Variants in PDE1A observed in about 807,000 individuals in gnomAD.
The protein encoded by PDE1A is phosphodiesterase 1A, also known as dual specificity calcium/calmodulin-dependent 3',5'-cyclic nucleotide phosphodiesterase 1A.
PDE1A carries 35 observed loss-of-function variants against 61.7 expected under a neutral mutation model. The ratio of observed to expected loss-of-function variants is 0.57; its 90% CI spans 0.43 to 0.75. The LOEUF (loss-of-function observed/expected upper bound fraction) is 0.75. Among genes scored for constraint, PDE1A ranks in the 30% least tolerant of loss-of-function variants. The probability of loss-of-function intolerance (pLI) is 0.00; values close to 1 mark genes in which losing one functional copy is unlikely to be tolerated. For synonymous variants in PDE1A, 232 were observed against 213.2 expected (o/e 1.09, Z -0.77); for missense variants, 597 against 630.6 (o/e 0.95, Z 0.57).
At chr2:182,567,739 C>A in the PDE1A span, among the ~76,000 whole-genome samples, 134 of 150,764 alleles carry the variant, frequency 8.9e-4, 1 homozygote, top group Admixed American at 6.4e-3. Flanking sequence ...TTTTTAATAT[C>A]TTTTATATAA....
chr2:182,654,714 C>A, the PDE1A span, among the ~76,000 whole-genome samples: 3 of 152,254 alleles, frequency 2.0e-5, no homozygotes, highest in South Asian at 2.1e-4. Flanking sequence ...CTAGCCTTCC[C>A]TTCAATGAAT....
the PDE1A span, among the ~76,000 whole-genome samples, chr2:182,550,332 C>T: frequency 4.6e-4 from 70 of 152,250 alleles, no homozygotes; most frequent in African/African-American, 1.6e-3. Context: ...CAGGGCACTT[C>T]GCTAGCCTTT....
intron 1 of PDE1A, among the ~76,000 whole-genome samples, chr2:182,310,776 G>A (rs750335888): frequency 1.3e-5 from 2 of 152,116 alleles, no homozygotes; most frequent in Non-Finnish European, 2.9e-5. Context: ...ACATTGTTAT[G>A]TGCTCATCAA....
chr2:182,661,619 G>A, the PDE1A span, among the ~76,000 whole-genome samples: 3 of 151,720 alleles, frequency 2.0e-5, no homozygotes, highest in Admixed American at 6.6e-5. Context: ...TGGAAACGAG[G>A]GAAATAAAAA....
intron 1 of PDE1A, among the ~76,000 whole-genome samples, chr2:182,344,555 C>A (rs902938193): frequency 6.6e-6 from 1 of 152,084 alleles, no homozygotes; most frequent in Non-Finnish European, 1.5e-5. Flanking sequence ...CTCTGCTTTA[C>A]CATTATGTCA....
intron 2 of PDE1A, among the ~76,000 whole-genome samples, chr2:182,510,795 C>T (rs1689730806): frequency 6.6e-6 from 1 of 152,252 alleles, no homozygotes; most frequent in Middle Eastern, 3.4e-3. Context: ...TCTCAAAGCC[C>T]ACTTCTCCTC....
the PDE1A span, among the ~76,000 whole-genome samples, chr2:182,680,840 G>T: frequency 6.6e-6 from 1 of 152,214 alleles, no homozygotes; most frequent in South Asian, 2.1e-4. Context: ...CTGCAGGGCA[G>T]GGCTACCCCA....
intron 2 of PDE1A, among the ~76,000 whole-genome samples, chr2:182,510,570 C>A (rs546290561): frequency 3.3e-5 from 5 of 152,134 alleles, no homozygotes; most frequent in Non-Finnish European, 7.3e-5. Flanking sequence ...GGACATGGGA[C>A]ATGATAGCAA....
At chr2:182,333,502 G>C (rs1056590995) in intron 1 of PDE1A, among the ~76,000 whole-genome samples, 1 of 152,096 alleles carries the variant, frequency 6.6e-6, no homozygotes, top group African/African-American at 2.4e-5. Context: ...ACGAAATTAA[G>C]GCAGAAATAA....
chr2:182,207,196 T>C (rs1268474336), intron 7 of PDE1A, among the ~76,000 whole-genome samples: 1 of 152,220 alleles, frequency 6.6e-6, no homozygotes, highest in Admixed American at 6.5e-5. Flanking sequence ...ACAGACTTGT[T>C]GAATGGCTGT....
upstream of PDE1A, among the ~76,000 whole-genome samples, chr2:182,525,675 G>A (rs941873001): frequency 3.3e-5 from 5 of 152,232 alleles, no homozygotes; most frequent in East Asian, 1.9e-4. Flanking sequence ...GCAGAACCAT[G>A]AGCCAATTAA....
the PDE1A span, among the ~76,000 whole-genome samples, chr2:182,684,914 A>G: frequency 6.6e-6 from 1 of 152,088 alleles, no homozygotes; most frequent in Non-Finnish European, 1.5e-5. Context: ...TATATAAATG[A>G]CACATTCATA....
At chr2:182,372,800 C>G (rs1263429536) in intron 1 of PDE1A, among the ~76,000 whole-genome samples, 1 of 152,176 alleles carries the variant, frequency 6.6e-6, no homozygotes, top group African/African-American at 2.4e-5. Flanking sequence ...ACGGTTAGCA[C>G]TGGGAAGTGT....
chr2:182,639,401 C>A, the PDE1A span, among the ~76,000 whole-genome samples: 1 of 152,062 alleles, frequency 6.6e-6, no homozygotes, highest in Non-Finnish European at 1.5e-5. Context: ...AAACCCGTCT[C>A]TTACAAAAAT....
intron 1 of PDE1A, among the ~76,000 whole-genome samples, chr2:182,405,676 G>A (rs944298662): frequency 6.6e-6 from 1 of 152,126 alleles, no homozygotes; most frequent in Non-Finnish European, 1.5e-5. Context: ...GTTTGAGTTA[G>A]ACAAAAGGAA....
Position 182,159,618 on chromosome 2 carries a change from G to A in PDE1A, c.1517-12466C>T, listed in dbSNP as rs117395907. 7.9e-5 allele frequency among the ~76,000 whole-genome samples: 12 copies of A among 152,262 alleles called. No homozygotes were observed. The East Asian group carries it at 1.9e-3, about 24-fold the overall frequency. On this transcript the variant is annotated intron_variant, in intron 13 of 13. Coordinates refer to the PDE1A transcript ENST00000409365. Reference sequence around the variant, plus strand: ...TTCCATAGCACACTTCTTTAAGGAAGCTTTCTATGAAATATCCATTCAGTC... The same window carrying A: ...TTCCATAGCACACTTCTTTAAGGAAACTTTCTATGAAATATCCATTCAGTC...
At chr2:182,393,733 T>G (rs1385226273) in intron 1 of PDE1A, among the ~76,000 whole-genome samples, 1 of 152,188 alleles carries the variant, frequency 6.6e-6, no homozygotes, top group African/African-American at 2.4e-5. Flanking sequence ...ATACTCTAGC[T>G]CATATCTCTT....
chr2:182,308,377 T>A (rs148193323), intron 1 of PDE1A, among the ~76,000 whole-genome samples: 1 of 152,184 alleles, frequency 6.6e-6, no homozygotes, highest in African/African-American at 2.4e-5. Flanking sequence ...GCTAAAAATA[T>A]ATTAAATATT....
intron 6 of PDE1A, among the ~76,000 whole-genome samples, chr2:182,228,716 A>T (rs973248534): frequency 4.6e-5 from 7 of 152,128 alleles, no homozygotes; most frequent in Non-Finnish European, 1.0e-4. Context: ...CCCTTTCTCC[A>T]TCTATGGTAA....
Sources: allele counts gnomAD v4.1 joint callset (sites outside exome capture counted in the v4.1 genomes callset), GRCh38; gene constraint gnomAD v4.1.1; transcripts MANE v1.5; gene names NCBI Gene and HGNC (gene_info 2026-07-23, HGNC 2026-07-21).